ZNF540: variants seen among roughly 807,000 people sequenced by gnomAD.
ZNF540 encodes zinc finger protein 540.
Under a neutral mutation model 11.8 loss-of-function variants are expected in ZNF540, and 3 were observed. The observed-to-expected ratio is 0.25, with a 90% CI of 0.12 to 0.65. ZNF540 has a LOEUF of 0.65. Ranked by LOEUF, ZNF540 falls within the 30% of genes least tolerant of loss-of-function variation. The probability of loss-of-function intolerance (pLI) is 0.83; values close to 1 mark genes in which losing one functional copy is unlikely to be tolerated. For synonymous variants in ZNF540, 247 were observed against 259.0 expected, an observed-to-expected ratio of 0.95 and a Z score of 0.45; for missense variants, 709 against 793.1, an observed-to-expected ratio of 0.89 and a Z score of 1.27.
intron 1 of ZNF540, among the ~76,000 whole-genome samples, chr19:37,571,482 C>T (rs540481163): frequency 2.0e-5 from 3 of 152,060 alleles, no homozygotes; most frequent in Admixed American, 6.5e-5. Flanking sequence ...GGTGAGAGAG[C>T]GAGACTCCAT....
At chr19:37,596,979 A>G (rs2044001365) in intron 1 of ZNF540, among the ~76,000 whole-genome samples, 1 of 152,218 alleles carries the variant, frequency 6.6e-6, no homozygotes, top group Non-Finnish European at 1.5e-5. Context: ...CAGTGACAAG[A>G]GCACAGTTGA....
intron 1 of ZNF540, chr19:37,586,667 C>T (rs200573176): frequency 3.7e-6 from 6 of 1,614,060 alleles, no homozygotes; most frequent in East Asian, 2.2e-5. Context: ...CAGCAACTCA[C>T]GTGGGGCATG....
At chr19:37,570,545 G>C (rs1447168244) in intron 1 of ZNF540, among the ~76,000 whole-genome samples, 2 of 152,090 alleles carry the variant, frequency 1.3e-5, no homozygotes, top group East Asian at 3.9e-4. Context: ...TACCATCATA[G>C]AACTAATTGT....
intron 1 of ZNF540, among the ~76,000 whole-genome samples, chr19:37,573,692 A>G (rs1178670194): frequency 6.7e-6 from 1 of 150,296 alleles, no homozygotes; most frequent in African/African-American, 2.4e-5. Context: ...AAAATCCGCC[A>G]TGCATGGTGG....
chr19:37,574,346 A>C (rs1335550616), intron 1 of ZNF540, among the ~76,000 whole-genome samples: 1 of 152,152 alleles, frequency 6.6e-6, no homozygotes, highest in South Asian at 2.1e-4. Flanking sequence ...CTGCTTTTCA[A>C]CTTTAACTCA....
chr19:37,565,857 C>T (rs2042838075), intron 1 of ZNF540: 1 of 1,613,760 alleles, frequency 6.2e-7, no homozygotes, highest in Admixed American at 1.7e-5. Flanking sequence ...GGTTTCTCAC[C>T]AGTCTGAATT....
Position 37,612,215 on chromosome 19 carries a change from T to G in ZNF540, c.935T>G (p.Phe312Cys). ...TGTGGAAAAGTTTTTCAACTTATTT[T>G]CTACTTTAAAGAACATGAGAGAATT... ...KECGKVFQLI[F>C]YFKEHERIHT... The change falls in exon 5 of 5, where the codon TTC becomes TGC. Residue 312 changes from phenylalanine to cysteine, a missense_variant. By Grantham distance (205) the Phe-to-Cys change is radical. Coordinates refer to ENST00000316433, the MANE Select transcript of ZNF540 (RefSeq NM_001172225.3). 1 of 1,612,862 alleles carries G rather than the reference T, an allele frequency of 6.2e-7. No homozygotes were observed. The highest frequency in any genetic ancestry group is 8.5e-7 in the Non-Finnish European group (1 of 1,179,820).
intron 1 of ZNF540, chr19:37,586,704 G>T: frequency 6.2e-7 from 1 of 1,613,940 alleles, no homozygotes; most frequent in Non-Finnish European, 8.5e-7. Flanking sequence ...CAATTTTCTG[G>T]GTTCTTCTCC....
At chr19:37,583,991 T>C (rs1600521363) in intron 1 of ZNF540, 2 of 1,612,330 alleles carry the variant, frequency 1.2e-6, no homozygotes, top group Non-Finnish European at 1.7e-6. Context: ...CAGGTTGCTG[T>C]AGTTCTCCAA....
chr19:37,613,766 C>G lies in ZNF540; in HGVS notation c.*503C>G. On this transcript the variant is annotated 3_prime_UTR_variant, in exon 5 of 5. Transcript: ENST00000316433. ...CTCATCACTTACATTTCATGAAGTA[C>G]TTCTTTGATAAAATCTGTTATGGGC... 1 of 398,696 alleles carries G rather than the reference C, an allele frequency of 2.5e-6. No individual in the cohort carries two copies. The highest frequency in any genetic ancestry group is 4.4e-6 in the Non-Finnish European group (1 of 226,160). The allele number at this position is 398,696 out of a possible 1,614,324, so 24.7% of individuals were successfully genotyped here.
At chr19:37,565,040 G>C (rs1191095599) in intron 1 of ZNF540, 1 of 1,613,574 alleles carries the variant, frequency 6.2e-7, no homozygotes, top group Admixed American at 1.7e-5. Flanking sequence ...CTCATGTTGA[G>C]TAAGATATGC....
chr19:37,560,041 CCAAGG>C (rs1210191988), intron 1 of ZNF540, among the ~76,000 whole-genome samples: 14 of 152,236 alleles, frequency 9.2e-5, no homozygotes, highest in African/African-American at 3.4e-4. Context: ...CTTTGGGAGG[CCAAGG>C]CGAGTGGATC....
chr19:37,562,558 G>A (rs1361698137), intron 1 of ZNF540: 1 of 152,194 alleles, frequency 6.6e-6, no homozygotes, highest in Non-Finnish European at 1.5e-5. Flanking sequence ...TAGAAGAACT[G>A]TAGGCATTGA....
At chr19:37,598,149 C>G (rs1176449375) in intron 1 of ZNF540, among the ~76,000 whole-genome samples, 2 of 152,190 alleles carry the variant, frequency 1.3e-5, no homozygotes, top group Non-Finnish European at 2.9e-5. Context: ...AACTCTCCTG[C>G]TGAAATATTG....
intron 1 of ZNF540, among the ~76,000 whole-genome samples, chr19:37,577,637 G>C (rs1252961633): frequency 6.6e-6 from 1 of 152,130 alleles, no homozygotes; most frequent in African/African-American, 2.4e-5. Flanking sequence ...CATATATGTA[G>C]CAAAATAGTG....
At chr19:37,551,439 C>T (rs996795089) in exon 1 of ZNF540, 4 of 152,336 alleles carry the variant, frequency 2.6e-5, no homozygotes, top group Non-Finnish European at 5.9e-5. Flanking sequence ...GGAGCCCTCC[C>T]TGGCAGTGCG....
At chr19:37,556,203 T>C (rs1336513021) in intron 1 of ZNF540, 2 of 674,298 alleles carry the variant, frequency 3.0e-6, no homozygotes, top group East Asian at 5.4e-5. Context: ...GGAGACTTCC[T>C]TGGAGGTACT....
Position 37,613,650 on chromosome 19 carries a change from T to G in ZNF540, c.*387T>G, listed in dbSNP as rs2044150550. ...GGCCCAAACTGCTTTGGATTAATAT[T>G]GGATATTACTGTTTTTATTATCATC... On this transcript the variant is annotated 3_prime_UTR_variant, in exon 5 of 5. Transcript: ENST00000316433. The G allele has an allele frequency of 7.6e-6, 3 of 397,126 alleles. No individual in the cohort carries two copies. In the South Asian group the frequency reaches 4.3e-4, roughly 56 times the overall value. The allele number at this position is 397,126 out of a possible 1,614,324, so 24.6% of individuals were successfully genotyped here.
chr19:37,593,620 G>A (rs1188866582), upstream of ZNF540, among the ~76,000 whole-genome samples: 2 of 152,196 alleles, frequency 1.3e-5, no homozygotes, highest in East Asian at 3.9e-4. Context: ...GGAGAATGGC[G>A]TGAACCCGGA....
Sources: gnomAD v4.1 joint callset for allele counts (sites outside exome capture counted in the v4.1 genomes callset) on GRCh38, gnomAD v4.1.1 for gene constraint, MANE v1.5 for transcripts, NCBI Gene and HGNC (gene_info 2026-07-23, HGNC 2026-07-21) for gene names.